RASSF7: variants seen among roughly 807,000 people sequenced by gnomAD.
RASSF7 encodes the protein ras association domain-containing protein 7.
Under a neutral mutation model 33.8 loss-of-function variants are expected in RASSF7, and 41 were observed. The ratio of observed to expected loss-of-function variants is 1.21; its 90% CI spans 0.95 to 1.57. RASSF7 has a LOEUF of 1.57. Ranked by LOEUF, RASSF7 falls within the 40% of genes most tolerant of loss-of-function variation. RASSF7 has a pLI of 0.00. For missense variants in RASSF7, 622 were observed against 497.0 expected (o/e 1.25, Z -2.39); for synonymous variants, 298 against 212.8 (o/e 1.40, Z -3.48).
chr11:562,749 C>T lies in RASSF7; in HGVS notation c.795C>T (p.Ala265=). 4 of 1,520,836 alleles carry T rather than the reference C, an allele frequency of 2.6e-6. No individual in the cohort carries two copies. The highest frequency in any genetic ancestry group is 3.5e-6 in the Non-Finnish European group (4 of 1,137,740). 94.2% of individuals were successfully genotyped at this position (1,520,836 alleles called of 1,614,324 possible). The change falls in exon 3 of 6, where the codon GCC becomes GCT. Residue 265 remains alanine, a synonymous_variant. Transcript: ENST00000397583. ...VQGSLALVSR[A]LEAAERALQA... The stretch of plus-strand genomic sequence containing the variant: ...GCAGCCTGGCTCTGGTGAGCCGGGC[C>T]CTGGAGGCAGCAGAGCGAGCCTTGC...
At chr11:561,655 G>C (rs1853313657) in intron 1 of RASSF7, 107 bp from the exon 2 acceptor site, 1 of 1,517,840 alleles carries the variant, frequency 6.6e-7, no homozygotes, top group African/African-American at 1.4e-5. Flanking sequence ...GTGCGGAGGG[G>C]CGGCAGCCCA....
Position 561,215 on chromosome 11 carries a change from C to G in RASSF7, c.-270C>G. ...CTCCCGCCAGGCTGGGGTCGCGGCG[C>G]GGGCTTCGGTGCCCGCGGCGGGGAC... On this transcript the variant is annotated 5_prime_UTR_variant, in exon 1 of 6. Coordinates refer to ENST00000397583, the MANE Select transcript of RASSF7 (RefSeq NM_003475.4). 1.0e-6 allele frequency: 1 copy of G among 985,092 alleles called. No individual in the cohort carries two copies. The highest frequency in any genetic ancestry group is 1.2e-6 in the Non-Finnish European group (1 of 829,840). The allele number at this position is 985,092 out of a possible 1,614,324, so 61.0% of individuals were successfully genotyped here.
Position 560,994 on chromosome 11 carries a change from G to A in RASSF7, c.-491G>A, listed in dbSNP as rs1853262950. 1.9e-6 allele frequency: 2 copies of A among 1,051,980 alleles called. No homozygotes were observed. Among genetic ancestry groups the A allele is most frequent in the Non-Finnish European group, 1.1e-6 (1 of 873,978 alleles). The allele number at this position is 1,051,980 out of a possible 1,614,324, so 65.2% of individuals were successfully genotyped here. On this transcript the variant is annotated 5_prime_UTR_variant, in exon 1 of 6. Transcript: ENST00000397583. Reference sequence around the variant, plus strand: ...CGCGGCGCTGGGGGCGGCAGGTTGCGGCGGCGCCGGAGCGGGTCTCCAGGC... The same window carrying A: ...CGCGGCGCTGGGGGCGGCAGGTTGCAGCGGCGCCGGAGCGGGTCTCCAGGC...
At position 562,620 on chromosome 11, in the gene RASSF7, G is replaced by A. The variant is rs1206459747; in HGVS notation, c.666G>A (p.Gln222=). 2 of 1,543,340 alleles carry A rather than the reference G, an allele frequency of 1.3e-6. No individual in the cohort carries two copies. The highest frequency in any genetic ancestry group is 3.9e-5 in the Admixed American group (2 of 51,004). ...AQARALEAEL[Q]LAAEAPGPPS... Reference sequence around the variant, plus strand: ...CCCGTGCCCTGGAGGCTGAGCTGCAGCTGGCAGCGGAGGCCCCTGGGCCCC... The same window carrying A: ...CCCGTGCCCTGGAGGCTGAGCTGCAACTGGCAGCGGAGGCCCCTGGGCCCC... The change falls in exon 3 of 6, where the codon CAG becomes CAA. Residue 222 remains glutamine, a synonymous_variant. Coordinates refer to ENST00000397583, the MANE Select transcript of RASSF7 (RefSeq NM_003475.4).
At position 562,712 on chromosome 11, in the gene RASSF7, C is replaced by G; in HGVS notation, c.758C>G (p.Ala253Gly). 6.5e-7 allele frequency: 1 copy of G among 1,541,424 alleles called. No individual in the cohort carries two copies. The highest frequency in any genetic ancestry group is 8.7e-7 in the Non-Finnish European group (1 of 1,146,260). The change falls in exon 3 of 6, where the codon GCG becomes GGG. Residue 253 changes from alanine to glycine, a missense_variant. Transcript: ENST00000397583. ...QDLAVQERQSAEVQGSLALVS... is the reference protein window; with the variant it reads ...QDLAVQERQSGEVQGSLALVS... ...CTGGCTGTTCAGGAGCGGCAGAGTG[C>G]GGAGGTGCAGGGCAGCCTGGCTCTG... is the stretch of plus-strand genomic sequence containing the variant.
chr11:563,703 T>G lies in RASSF7; in HGVS notation c.*58T>G. 6.8e-7 allele frequency: 1 copy of G among 1,469,842 alleles called. No individual in the cohort carries two copies. Among genetic ancestry groups the G allele is most frequent in the Non-Finnish European group, 9.2e-7 (1 of 1,083,194 alleles). 91.0% of individuals were successfully genotyped at this position (1,469,842 alleles called of 1,614,324 possible). On this transcript the variant is annotated 3_prime_UTR_variant, in exon 6 of 6. Coordinates refer to ENST00000397583, the MANE Select transcript of RASSF7 (RefSeq NM_003475.4). ...CGGACCACAGAAGGAGAGTTGGCGGTCACAGAGGGCTCCTCTGCCAGGCAG... is the reference window on the plus strand; with the variant it reads ...CGGACCACAGAAGGAGAGTTGGCGGGCACAGAGGGCTCCTCTGCCAGGCAG...
Position 561,495 on chromosome 11 carries a change from T to G in RASSF7, c.-8+18T>G. The G allele has an allele frequency of 1.5e-6, 2 of 1,337,330 alleles. No individual in the cohort carries two copies. Among genetic ancestry groups the G allele is most frequent in the African/African-American group, 2.9e-5 (2 of 67,910 alleles). The allele number at this position is 1,337,330 out of a possible 1,614,324, so 82.8% of individuals were successfully genotyped here. A position where few individuals can be genotyped will look rare whatever the true frequency, so the allele number is the denominator to read the frequency against. The stretch of plus-strand genomic sequence containing the variant: ...CGAGCCAGGTGAGGCGAGTAGGAAA[T>G]GCTGGATCTGGTTAATGATTCGCCT... On this transcript the variant is annotated intron_variant, in intron 1 of 5. Coordinates refer to ENST00000397583, the MANE Select transcript of RASSF7 (RefSeq NM_003475.4).
intron 2 of RASSF7, 55 bp from the exon 3 acceptor site, chr11:562,024 C>G: frequency 6.6e-7 from 1 of 1,511,948 alleles, no homozygotes; most frequent in South Asian, 1.3e-5. Context: ...ACTCTTCAAG[C>G]CAGGTGGACA....
At chr11:561,917 G>A in intron 2 of RASSF7, 25 bp downstream of exon 2, 5 of 1,612,508 alleles carry the variant, frequency 3.1e-6, no homozygotes, top group Non-Finnish European at 4.2e-6. Flanking sequence ...GGTCAGGCAG[G>A]CCGGGCAGGT....
At position 563,271 on chromosome 11, in the gene RASSF7, C is replaced by T. The variant is rs35670527; in HGVS notation, c.905C>T (p.Ala302Val). The change falls in exon 4 of 6, where the codon GCG becomes GTG. Residue 302 changes from alanine to valine, a missense_variant. Coordinates refer to ENST00000397583, the MANE Select transcript of RASSF7 (RefSeq NM_003475.4). The part of the protein sequence containing the change: ...LQQFIQQTGA[A>V]LPPPPRPDRG... ...CAGTTCATCCAGCAGACCGGGGCTG[C>T]GCTGCCACCGCCCCCACGGCCTGAC... 6.1e-4 allele frequency: 983 copies of T among 1,611,238 alleles called. 6 individuals carry two copies. The African/African-American group carries it at 0.011, about 19-fold the overall frequency.
In RASSF7 at chr11:561,347, T is replaced by TG; in HGVS notation, c.-135dup. The TG allele has an allele frequency of 9.8e-7, 1 of 1,020,434 alleles. No individual in the cohort carries two copies. The highest frequency in any genetic ancestry group is 1.2e-6 in the Non-Finnish European group (1 of 853,502). The allele number at this position is 1,020,434 out of a possible 1,614,324, so 63.2% of individuals were successfully genotyped here. A position where few individuals can be genotyped will look rare whatever the true frequency, so the allele number is the denominator to read the frequency against. On this transcript the variant is annotated 5_prime_UTR_variant, in exon 1 of 6. Transcript: ENST00000397583. ...CTGCTCCATCTGCAGGGTCGAGGTC[T>TG]GGGTTGCGACCCCGAGCGCCTCTGC...
Position 563,576 on chromosome 11 carries a change from A to C in RASSF7, c.1053A>C (p.Glu351Asp), listed in dbSNP as rs1240346494. 6.2e-7 allele frequency: 1 copy of C among 1,611,786 alleles called. No individual in the cohort carries two copies. Among genetic ancestry groups the C allele is most frequent in the East Asian group, 2.2e-5 (1 of 44,862 alleles). ...CCCGCAGTGGCCCCCATGACGCAGA[A>C]CTCCTGGAGGTAGCAGCAGCTCCTG... ...PRPRGGPHDA[E>D]LLEVAAAPAP... The change falls in exon 6 of 6, where the codon GAA becomes GAC. Residue 351 changes from glutamate to aspartate, a missense_variant. Coordinates refer to ENST00000397583, the MANE Select transcript of RASSF7 (RefSeq NM_003475.4).
chr11:563,979 C>T lies in RASSF7; in HGVS notation c.*334C>T, dbSNP rs1372006052. ...AGCAAGAGCATGTGTGTGCCACTTC[C>T]CCTACCCCAACGTGAAAACCTCAAT... On this transcript the variant is annotated 3_prime_UTR_variant, in exon 6 of 6. Transcript: ENST00000397583. 5.0e-6 allele frequency: 2 copies of T among 402,642 alleles called. No homozygotes were observed. The highest frequency in any genetic ancestry group is 4.5e-6 in the Non-Finnish European group (1 of 224,130). The allele number at this position is 402,642 out of a possible 1,614,324, so 24.9% of individuals were successfully genotyped here. A position where few individuals can be genotyped will look rare whatever the true frequency, so the allele number is the denominator to read the frequency against.
At chr11:561,667 C>T (rs1198820845) in intron 1 of RASSF7, 95 bp from the exon 2 acceptor site, 2 of 1,552,104 alleles carry the variant, frequency 1.3e-6, no homozygotes, top group Non-Finnish European at 1.7e-6. Flanking sequence ...GGCAGCCCAG[C>T]CGTTTCTAGG....
At position 561,164 on chromosome 11, in the gene RASSF7, C is replaced by T; in HGVS notation, c.-321C>T. ...GCGGGGGCGGCGCCGCACCTGCGCCCGCCCTGCGGAACGGGGACGCCCTGG... is the reference window on the plus strand; with the variant it reads ...GCGGGGGCGGCGCCGCACCTGCGCCTGCCCTGCGGAACGGGGACGCCCTGG... On this transcript the variant is annotated 5_prime_UTR_variant, in exon 1 of 6. Coordinates refer to ENST00000397583, the MANE Select transcript of RASSF7 (RefSeq NM_003475.4). The T allele has an allele frequency of 2.0e-6, 2 of 984,922 alleles. No individual in the cohort carries two copies. The highest frequency in any genetic ancestry group is 5.2e-4 in the Middle Eastern group (1 of 1,914). 61.0% of individuals were successfully genotyped at this position (984,922 alleles called of 1,614,324 possible).
Position 561,315 on chromosome 11 carries a change from C to A in RASSF7, c.-170C>A. The A allele has an allele frequency of 1.0e-6, 1 of 991,426 alleles. No individual in the cohort carries two copies. The highest frequency in any genetic ancestry group is 1.2e-6 in the Non-Finnish European group (1 of 833,930). 61.4% of individuals were successfully genotyped at this position (991,426 alleles called of 1,614,324 possible). ...CCGGGCTGGCGGGGGCTGCTCAGAC[C>A]CGGAGTCTGCTCCATCTGCAGGGTC... On this transcript the variant is annotated 5_prime_UTR_variant, in exon 1 of 6. Coordinates refer to ENST00000397583, the MANE Select transcript of RASSF7 (RefSeq NM_003475.4).
intron 3 of RASSF7, among the ~76,000 whole-genome samples, 153 bp from the exon 4 acceptor site, chr11:563,036 T>C (rs1331535948): frequency 6.6e-6 from 1 of 151,996 alleles, no homozygotes; most frequent in African/African-American, 2.4e-5. Context: ...GGGAGGCAGG[T>C]GAGCCCGGGG....
chr11:561,649 G>A (rs1853313167), intron 1 of RASSF7, 113 bp from the exon 2 acceptor site: 1 of 1,501,594 alleles, frequency 6.7e-7, no homozygotes, highest in Non-Finnish European at 8.9e-7. Flanking sequence ...GGGCCCGTGC[G>A]GAGGGGCGGC....
At position 561,892 on chromosome 11, in the gene RASSF7, G is replaced by A. The variant is rs1207245316; in HGVS notation, c.124G>A (p.Gly42Ser). The A allele has an allele frequency of 6.2e-7, 1 of 1,613,346 alleles. No homozygotes were observed. The highest frequency in any genetic ancestry group is 1.3e-5 in the African/African-American group (1 of 74,938). ...EVVIALAQAI[G>S]QTGRFVLVQR... is the part of the protein sequence containing the mutation. ...GGTCATCGCACTAGCCCAAGCAATA[G>A]GTGAGTCCTCTCGGGGTCAGGCAGG... Residue 42 changes from glycine to serine, a missense_variant and splice_region_variant, in exon 2 of 6, where the codon GGC becomes AGC. Transcript: ENST00000397583.
Sources: gnomAD v4.1 joint callset for allele counts (sites outside exome capture counted in the v4.1 genomes callset) on GRCh38, gnomAD v4.1.1 for gene constraint, MANE v1.5 for transcripts, NCBI Gene and HGNC (gene_info 2026-07-23, HGNC 2026-07-21) for gene names.